MAP4K1: variants seen among roughly 807,000 people sequenced by gnomAD.
MAP4K1 encodes mitogen-activated protein kinase kinase kinase kinase 1.
MAP4K1 carries 35 observed loss-of-function variants against 122.8 expected under a neutral mutation model. That is an observed-to-expected ratio of 0.29 (90% CI 0.22 to 0.38). The LOEUF is 0.38. Among genes scored for constraint, MAP4K1 ranks in the 10% least tolerant of loss-of-function variants. The probability of loss-of-function intolerance (pLI) is 1.00; values close to 1 mark genes in which losing one functional copy is unlikely to be tolerated. For synonymous variants in MAP4K1, 412 were observed against 421.3 expected, an observed-to-expected ratio of 0.98 and a Z score of 0.27; for missense variants, 791 against 1,072.6, an observed-to-expected ratio of 0.74 and a Z score of 3.67.
At position 38,597,652 on chromosome 19, in the gene MAP4K1, TC is replaced by T. The variant is rs2144704949; in HGVS notation, c.1670-59del. The T allele has an allele frequency of 8.7e-7, 1 of 1,154,714 alleles. No homozygotes were observed. The highest frequency in any genetic ancestry group is 1.2e-6 in the Non-Finnish European group (1 of 803,924). 71.5% of individuals were successfully genotyped at this position (1,154,714 alleles called of 1,614,324 possible). On this transcript the variant is annotated intron_variant, in intron 22 of 30. Coordinates refer to ENST00000396857, the MANE Select transcript of MAP4K1 (RefSeq NM_001042600.3). The surrounding 1 kb of genome is among the most constrained non-coding windows in gnomAD (Gnocchi z 4.6). ...AAGTTATAGGATCCCATATACCACT[TC>T]CTTTCCTCCATCCCTTCCCTCAGCC...
Position 38,597,736 on chromosome 19 carries a change from A to G in MAP4K1, c.1670-142T>C. The G allele has an allele frequency of 1.6e-6, 1 of 612,318 alleles. No individual in the cohort carries two copies. Among genetic ancestry groups the G allele is most frequent in the Non-Finnish European group, 2.9e-6 (1 of 349,048 alleles). 37.9% of individuals were successfully genotyped at this position (612,318 alleles called of 1,614,324 possible). A position where few individuals can be genotyped will look rare whatever the true frequency, so the allele number is the denominator to read the frequency against. ...AGTCTCAAGTACTTGTCATTCATTC[A>G]TTCATTTCTCACTCCACATAGATTG... On this transcript the variant is annotated intron_variant, in intron 22 of 30. Transcript: ENST00000396857. This position sits in a 1 kb window ranked among gnomAD's most constrained non-coding sequence, Gnocchi z 4.6.
At position 38,599,944 on chromosome 19, in the gene MAP4K1, G is replaced by A. The variant is rs140424033; in HGVS notation, c.1650C>T (p.Asn550=). The change falls in exon 22 of 31, where the codon AAC becomes AAT. Residue 550 remains asparagine (N), a synonymous_variant. Transcript: ENST00000396857. ...CCAGACCTGAGAGAGACATGAGAAC[G>A]TTGTTGATGGAGTACACCCACGTAG... ...SRTTWVYSIN[N]VLMSLSGKTP... 19 of 1,614,058 alleles carry A rather than the reference G, an allele frequency of 1.2e-5. No homozygotes were observed. The highest frequency in any genetic ancestry group is 5.3e-5 in the African/African-American group (4 of 75,002).
Position 38,590,436 on chromosome 19 carries a change from T to TATAA in MAP4K1, c.2397-2620_2397-2619insTTAT, listed in dbSNP as rs1246449708. 2.5e-3 allele frequency among the ~76,000 whole-genome samples: 278 copies of TATAA among 110,650 alleles called. 6 individuals are homozygous for TATAA. The highest frequency in any genetic ancestry group is 3.9e-3 in the Non-Finnish European group (219 of 56,608). The allele number at this position is 110,650 out of a possible 152,430, so 72.6% of individuals were successfully genotyped here. A position where few individuals can be genotyped will look rare whatever the true frequency, so the allele number is the denominator to read the frequency against. Reference sequence around the variant, plus strand: ...ATATATATATATATATATATATATATAATCACGGGCGTCACTAGGACAACG... The same window carrying TATAA: ...ATATATATATATATATATATATATATATAAAATCACGGGCGTCACTAGGACAACG... On this transcript the variant is annotated intron_variant, in intron 30 of 30. Coordinates refer to ENST00000396857, the MANE Select transcript of MAP4K1 (RefSeq NM_001042600.3).
At position 38,596,923 on chromosome 19, in the gene MAP4K1, C is replaced by T. The variant is rs977647878; in HGVS notation, c.1941+111G>A. ...TGGGCGGGGCCTCGGGAGATTGGGG[C>T]GGGGCCTCGACGGAGGTGGGGCTTC... On this transcript the variant is annotated intron_variant, in intron 25 of 30. Transcript: ENST00000396857. The T allele has an allele frequency of 1.8e-5, 18 of 1,005,888 alleles. No individual in the cohort carries two copies. In the African/African-American group the frequency reaches 1.9e-4, roughly 11 times the overall value. 62.3% of individuals were successfully genotyped at this position (1,005,888 alleles called of 1,614,324 possible).
chr19:38,614,184 A>C (rs915406627), intron 6 of MAP4K1, 61 bp downstream of exon 6: 1 of 1,609,984 alleles, frequency 6.2e-7, no homozygotes, highest in Non-Finnish European at 8.5e-7. Context: ...TGAGCCCCTG[A>C]AATGCCACTC....
rs1372003401 is a variant in MAP4K1 at position 38,596,091 on chromosome 19, ACCG to A, written c.2117-93_2117-91del. 5.7e-6 allele frequency: 8 copies of A among 1,396,318 alleles called. No individual in the cohort carries two copies. The East Asian group carries it at 1.8e-4, about 32-fold the overall frequency. The allele number at this position is 1,396,318 out of a possible 1,614,324, so 86.5% of individuals were successfully genotyped here. A position where few individuals can be genotyped will look rare whatever the true frequency, so the allele number is the denominator to read the frequency against. Reference sequence around the variant, plus strand: ...GAAGGCCAGTACCTGTGCTTTAGCCACCGCCTCAGTTCACAAGCAAGTGGGCTA... The same window carrying A: ...GAAGGCCAGTACCTGTGCTTTAGCCACCTCAGTTCACAAGCAAGTGGGCTA... On this transcript the variant is annotated intron_variant, in intron 26 of 30. Coordinates refer to ENST00000396857, the MANE Select transcript of MAP4K1 (RefSeq NM_001042600.3).
In MAP4K1 at chr19:38,597,003, A is replaced by G; in HGVS notation, c.1941+31T>C. 6.2e-7 allele frequency: 1 copy of G among 1,603,576 alleles called. No individual in the cohort carries two copies. The highest frequency in any genetic ancestry group is 8.5e-7 in the Non-Finnish European group (1 of 1,170,436). ...GCAAGGCCTTAGCCACCCACTCCTC[A>G]GAGTTCCCAGCACCCTCCCAAGCCC... is the stretch of plus-strand genomic sequence containing the variant. On this transcript the variant is annotated intron_variant, in intron 25 of 30. Coordinates refer to ENST00000396857, the MANE Select transcript of MAP4K1 (RefSeq NM_001042600.3). This position sits in a 1 kb window ranked among gnomAD's most constrained non-coding sequence, Gnocchi z 4.6.
At chr19:38,594,310 GCA>G (rs1974806194) in intron 29 of MAP4K1, among the ~76,000 whole-genome samples, 1 of 151,992 alleles carries the variant, frequency 6.6e-6, no homozygotes, top group Admixed American at 6.6e-5. Flanking sequence ...TTGCACCACT[GCA>G]CTTCAGCCTG....
intron 30 of MAP4K1, among the ~76,000 whole-genome samples, chr19:38,590,404 T>A (rs1161055278): frequency 3.9e-3 from 206 of 52,864 alleles, no homozygotes; most frequent in African/African-American, 8.6e-3. Context: ...AATATATATA[T>A]ATATATATAT....
intron 13 of MAP4K1, among the ~76,000 whole-genome samples, chr19:38,608,914 G>A (rs1049193010): frequency 6.7e-6 from 1 of 150,000 alleles, no homozygotes; most frequent in African/African-American, 2.4e-5. Flanking sequence ...CAAGAAGTTT[G>A]AGGCTTAAGT....
chr19:38,602,949 TATACACAC>T (rs1354407881), intron 19 of MAP4K1, among the ~76,000 whole-genome samples: 5 of 140,614 alleles, frequency 3.6e-5, no homozygotes, highest in South Asian at 2.6e-4. Flanking sequence ...CACATACATA[TATACACAC>T]ATATACACAT....
At chr19:38,607,218 G>A (rs1975354327) in intron 16 of MAP4K1, among the ~76,000 whole-genome samples, 1 of 152,004 alleles carries the variant, frequency 6.6e-6, no homozygotes, top group Admixed American at 6.6e-5. Context: ...CTGGGGTGGA[G>A]AGCAGGTGGG....
chr19:38,599,775 C>T (rs954711715), intron 22 of MAP4K1, 150 bp downstream of exon 22: 46 of 744,812 alleles, frequency 6.2e-5, no homozygotes, highest in Middle Eastern at 2.4e-4. Flanking sequence ...GCTTGGGGAG[C>T]ACAGTCAAAA....
At position 38,605,729 on chromosome 19, in the gene MAP4K1, G is replaced by T; in HGVS notation, c.1202C>A (p.Pro401His). The change falls in exon 18 of 31, where the codon CCC becomes CAC. Residue 401 changes from proline (P) to histidine (H), a missense_variant and splice_region_variant. Around this residue, in one of 4 missense-constraint regions of MAP4K1, gnomAD observed 303 missense variants for 344.8 expected, o/e 0.88. Transcript: ENST00000396857. ...CTCGTCTGATGGAGAACGGAACTTG[G>T]GCTTTGGAGACGGGAATGGAGCGTG... ...EDTPPPLPPK[P>H]KFRSPSDEGP... 6.2e-7 allele frequency: 1 copy of T among 1,603,886 alleles called. No individual in the cohort carries two copies. The highest frequency in any genetic ancestry group is 8.5e-7 in the Non-Finnish European group (1 of 1,177,614).
intron 8 of MAP4K1, among the ~76,000 whole-genome samples, chr19:38,613,076 G>A (rs1975545851): frequency 6.6e-6 from 1 of 152,076 alleles, no homozygotes; most frequent in East Asian, 1.9e-4. Context: ...GGGAGGTCAA[G>A]GCGGACAGAT....
At position 38,595,574 on chromosome 19, in the gene MAP4K1, C is replaced by T. The variant is rs1275715933; in HGVS notation, c.2270-19G>A. 1.2e-6 allele frequency: 2 copies of T among 1,614,106 alleles called. No individual in the cohort carries two copies. Among genetic ancestry groups the T allele is most frequent in the East Asian group, 2.2e-5 (1 of 44,866 alleles). On this transcript the variant is annotated intron_variant, in intron 28 of 30. Transcript: ENST00000396857. ...ACCATAGCTGGGGAGAAAGCAATGC[C>T]CGTTACCCTTGGGGATCACTTGAGT...
At chr19:38,601,059 G>T (rs754836628) in intron 20 of MAP4K1, among the ~76,000 whole-genome samples, 1 of 152,030 alleles carries the variant, frequency 6.6e-6, no homozygotes, top group Non-Finnish European at 1.5e-5. Flanking sequence ...GCCCGCCTCC[G>T]CCTCCCAAAG....
intron 7 of MAP4K1, 34 bp from the exon 8 acceptor site, chr19:38,613,986 C>T: frequency 6.2e-7 from 1 of 1,613,380 alleles, no homozygotes; most frequent in South Asian, 1.1e-5. Context: ...GATCTGGGGT[C>T]CACTGCGCTT....
intron 19 of MAP4K1, among the ~76,000 whole-genome samples, chr19:38,603,717 C>T (rs192677140): frequency 3.9e-4 from 60 of 152,196 alleles, no homozygotes; most frequent in African/African-American, 1.4e-3. Context: ...GGCGCGGTGG[C>T]TCACGCCTGT....
Sources: allele counts gnomAD v4.1 joint callset (sites outside exome capture counted in the v4.1 genomes callset), GRCh38; gene constraint gnomAD v4.1.1; regional missense constraint gnomAD v4.1.1; non-coding constraint Gnocchi (gnomAD v3.1); transcripts MANE v1.5; gene names NCBI Gene and HGNC (gene_info 2026-07-23, HGNC 2026-07-21).